The following CENPW variants were observed in gnomAD, a reference collection of about 807,000 sequenced individuals.
The protein encoded by CENPW is centromere protein W, also known as cancer-up-regulated gene 2 protein.
A neutral mutation model predicts 11.1 loss-of-function variants in CENPW; 3 were observed. The observed-to-expected ratio is 0.27, with a 90% CI of 0.12 to 0.70. The LOEUF (loss-of-function observed/expected upper bound fraction) is 0.70. CENPW is among the 30% of genes least tolerant of loss of function. The probability of loss-of-function intolerance (pLI) is 0.77; values close to 1 mark genes in which losing one functional copy is unlikely to be tolerated. For synonymous variants in CENPW, 38 were observed against 42.0 expected, an observed-to-expected ratio of 0.91 and a Z score of 0.37; for missense variants, 100 against 105.6, an observed-to-expected ratio of 0.95 and a Z score of 0.23.
At chr6:126,445,351 G>C in the CENPW span, among the ~76,000 whole-genome samples, 1 of 151,056 alleles carries the variant, frequency 6.6e-6, no homozygotes, top group Admixed American at 6.6e-5. Context: ...TGTCATTCTA[G>C]CTTCTTTGTT....
chr6:126,459,286 A>G, the CENPW span, among the ~76,000 whole-genome samples: 1 of 151,444 alleles, frequency 6.6e-6, no homozygotes, highest in Admixed American at 6.6e-5. Flanking sequence ...ATTTTAGAGA[A>G]TAGAAACTTT....
the CENPW span, among the ~76,000 whole-genome samples, chr6:126,412,132 A>G: frequency 1.2e-5 from 1 of 83,004 alleles, no homozygotes; most frequent in Non-Finnish European, 2.4e-5. Context: ...GACTATGGGC[A>G]TGCACCATCA....
At chr6:126,411,027 T>C in the CENPW span, among the ~76,000 whole-genome samples, 39 of 152,150 alleles carry the variant, frequency 2.6e-4, no homozygotes, top group African/African-American at 8.4e-4. Flanking sequence ...TTATGTTCCT[T>C]TAGTGGTGTC....
chr6:126,365,716 A>G, the CENPW span, among the ~76,000 whole-genome samples: 8 of 152,360 alleles, frequency 5.3e-5, no homozygotes, highest in African/African-American at 1.9e-4. Flanking sequence ...ACATGCATTT[A>G]TGATGTAAAG....
At chr6:126,405,963 T>C in the CENPW span, among the ~76,000 whole-genome samples, 9 of 152,234 alleles carry the variant, frequency 5.9e-5, no homozygotes, top group African/African-American at 2.2e-4. Context: ...GACTTCCTAT[T>C]TCTCTGGTTA....
At chr6:126,449,128 T>A in the CENPW span, among the ~76,000 whole-genome samples, 1 of 151,120 alleles carries the variant, frequency 6.6e-6, no homozygotes, top group Non-Finnish European at 1.5e-5. Flanking sequence ...TGATCTCTTT[T>A]AAAGATATCT....
At chr6:126,481,669 C>T in the CENPW span, among the ~76,000 whole-genome samples, 1 of 152,110 alleles carries the variant, frequency 6.6e-6, no homozygotes, top group South Asian at 2.1e-4. Context: ...TTAATGCTGT[C>T]GCAGTAGCAA....
chr6:126,422,063 T>A, the CENPW span, among the ~76,000 whole-genome samples: 1 of 152,120 alleles, frequency 6.6e-6, no homozygotes, highest in Non-Finnish European at 1.5e-5. Flanking sequence ...TAGACTTCTT[T>A]GCTGAGAACC....
chr6:126,345,962 A>G (rs958611542), intron 1 of CENPW, among the ~76,000 whole-genome samples: 3 of 152,170 alleles, frequency 2.0e-5, no homozygotes, highest in African/African-American at 7.2e-5. Context: ...GCTTTACAAA[A>G]TGGCCTTTGG....
the CENPW span, among the ~76,000 whole-genome samples, chr6:126,366,835 G>A: frequency 6.6e-6 from 1 of 152,296 alleles, no homozygotes; most frequent in African/African-American, 2.4e-5. Flanking sequence ...TCAAGGTTGA[G>A]GGACCTGCAT....
At chr6:126,353,142 T>TAAGTC (rs1780510502), downstream of CENPW, among the ~76,000 whole-genome samples, 1 of 152,018 alleles carries the variant, frequency 6.6e-6, no homozygotes, top group Non-Finnish European at 1.5e-5. Context: ...GTACTGTCAC[T>TAAGTC]ACTAAGTGAA....
chr6:126,373,282 T>G, the CENPW span, among the ~76,000 whole-genome samples: 3 of 152,226 alleles, frequency 2.0e-5, no homozygotes, highest in Non-Finnish European at 4.4e-5. Flanking sequence ...TGCTTGAGAA[T>G]GAGAGGCATA....
At chr6:126,429,302 A>G in the CENPW span, among the ~76,000 whole-genome samples, 734 of 152,148 alleles carry the variant, frequency 4.8e-3, 10 homozygotes, top group East Asian at 0.032. Context: ...TTAATTTGTG[A>G]TATAGTTTGG....
chr6:126,424,705 A>G, the CENPW span, among the ~76,000 whole-genome samples: 2 of 152,024 alleles, frequency 1.3e-5, no homozygotes, highest in Non-Finnish European at 2.9e-5. Flanking sequence ...CTTTTGTTGG[A>G]TGGCCATGGG....
chr6:126,378,913 T>G, the CENPW span, among the ~76,000 whole-genome samples: 1 of 152,182 alleles, frequency 6.6e-6, no homozygotes, highest in African/African-American at 2.4e-5. Flanking sequence ...ATGGAAATAT[T>G]GTATATAGAA....
At chr6:126,471,166 C>T in the CENPW span, among the ~76,000 whole-genome samples, 1 of 152,066 alleles carries the variant, frequency 6.6e-6, no homozygotes, top group Non-Finnish European at 1.5e-5. Context: ...GAATTGTAAT[C>T]CCATGTGTTG....
chr6:126,376,067 A>G, the CENPW span, among the ~76,000 whole-genome samples: 1 of 152,146 alleles, frequency 6.6e-6, no homozygotes. Flanking sequence ...CGTCCTGAAG[A>G]TGGAACTGGC....
At chr6:126,357,433 A>AT in the CENPW span, among the ~76,000 whole-genome samples, 1 of 151,650 alleles carries the variant, frequency 6.6e-6, no homozygotes, top group South Asian at 2.1e-4. Context: ...TTCCATGTGA[A>AT]TTTTTTTTCT....
At chr6:126,459,487 G>T in the CENPW span, among the ~76,000 whole-genome samples, 1 of 151,448 alleles carries the variant, frequency 6.6e-6, no homozygotes, top group Non-Finnish European at 1.5e-5. Flanking sequence ...TGTATTTAAG[G>T]CAGAATGACA....
Sources: allele counts gnomAD v4.1 joint callset (sites outside exome capture counted in the v4.1 genomes callset), GRCh38; gene constraint gnomAD v4.1.1; transcripts MANE v1.5; gene names NCBI Gene and HGNC (gene_info 2026-07-23, HGNC 2026-07-21).